MPP7: variants seen among roughly 807,000 people sequenced by gnomAD.
MPP7 encodes MAGUK p55 scaffold protein 7.
In MPP7, 60 loss-of-function variants were observed where a neutral mutation model predicts 76.5. The observed-to-expected ratio is 0.78, with a 90% CI of 0.64 to 0.97. The LOEUF (loss-of-function observed/expected upper bound fraction) is 0.97. MPP7 is among the 50% of genes least tolerant of loss of function. The probability of loss-of-function intolerance (pLI) is 0.00; values close to 1 mark genes in which losing one functional copy is unlikely to be tolerated. For missense variants in MPP7, 641 were observed against 694.0 expected (o/e 0.92, Z 0.86); for synonymous variants, 237 against 244.5 (o/e 0.97, Z 0.29).
At chr10:28,307,227 AAGGCCG>A (rs1841263927), upstream of MPP7, among the ~76,000 whole-genome samples, 3 of 152,196 alleles carry the variant, frequency 2.0e-5, no homozygotes, top group South Asian at 6.2e-4. Flanking sequence ...CCTAGAGGCC[AAGGCCG>A]AAGGCTTGGA....
chr10:28,263,166 T>C (rs1313052235), intron 1 of MPP7, among the ~76,000 whole-genome samples: 1 of 152,170 alleles, frequency 6.6e-6, no homozygotes, highest in Non-Finnish European at 1.5e-5. Flanking sequence ...GAGGCAATAA[T>C]AAAATATTTT....
chr10:28,114,484 G>T (rs1443789772), intron 11 of MPP7, among the ~76,000 whole-genome samples: 1 of 151,908 alleles, frequency 6.6e-6, no homozygotes. Flanking sequence ...AACTAGAAAG[G>T]TTCTGTGAAA....
chr10:28,118,118 A>G (rs1834715788), intron 11 of MPP7: 1 of 977,236 alleles, frequency 1.0e-6, no homozygotes. Context: ...TAAAAAAGAA[A>G]TCATGCAAAT....
At chr10:28,069,631 T>C (rs1383169806) in intron 13 of MPP7, 141 bp downstream of exon 13, 2 of 464,906 alleles carry the variant, frequency 4.3e-6, no homozygotes, top group Admixed American at 7.6e-5. Context: ...AAAAAAAAAC[T>C]CACATGCCCC....
intron 12 of MPP7, among the ~76,000 whole-genome samples, chr10:28,083,757 C>T (rs557861341): frequency 7.9e-5 from 12 of 152,044 alleles, no homozygotes; most frequent in Middle Eastern, 3.4e-3. Context: ...AGGCTGGTCT[C>T]GAACTCCTGA....
chr10:28,069,401 A>G (rs370602384), intron 13 of MPP7, among the ~76,000 whole-genome samples: 1 of 152,166 alleles, frequency 6.6e-6, no homozygotes, highest in East Asian at 1.9e-4. Context: ...TCAAGAGATC[A>G]AGACCATCCT....
rs1295609963 is a variant in MPP7 at position 28,321,813 on chromosome 10, T to C, written c.-132+8116A>G. On this transcript the variant is annotated intron_variant, in intron 2 of 11. Coordinates refer to the MPP7 transcript ENST00000441595. ...GTTGGCCAGGCTGGTCTCGAACTCCTGGCCTCAGGTGATCCACCCACCTTG... is the reference window on the plus strand; with the variant it reads ...GTTGGCCAGGCTGGTCTCGAACTCCCGGCCTCAGGTGATCCACCCACCTTG... Among the ~76,000 whole-genome samples, 6 of 152,268 alleles carry C rather than the reference T, an allele frequency of 3.9e-5. No homozygotes were observed. In the South Asian group the frequency reaches 1.0e-3, roughly 26 times the overall value.
At chr10:28,280,931 C>G (rs56093502) in intron 1 of MPP7, among the ~76,000 whole-genome samples, 7 of 151,902 alleles carry the variant, frequency 4.6e-5, no homozygotes, top group African/African-American at 7.3e-5. Flanking sequence ...CTGTGTCTGA[C>G]TAGAGTGGAG....
At chr10:28,328,516 A>G (rs970669185) in intron 2 of MPP7, among the ~76,000 whole-genome samples, 3 of 151,748 alleles carry the variant, frequency 2.0e-5, no homozygotes, top group Non-Finnish European at 4.4e-5. Flanking sequence ...CTCATAGTTA[A>G]GAGGGAGGAA....
intron 1 of MPP7, among the ~76,000 whole-genome samples, chr10:28,248,457 G>A (rs541095104): frequency 2.0e-5 from 3 of 152,220 alleles, no homozygotes; most frequent in Admixed American, 1.3e-4. Context: ...CAGGTTTCCC[G>A]GGTGTTTCCC....
chr10:28,191,412 C>G (rs1456869488), intron 3 of MPP7, among the ~76,000 whole-genome samples: 9 of 152,088 alleles, frequency 5.9e-5, no homozygotes, highest in African/African-American at 2.2e-4. Flanking sequence ...ATAAGTTGAA[C>G]CCAGCAATAG....
At position 28,224,079 on chromosome 10, in the gene MPP7, G is replaced by A. The variant is rs187992593; in HGVS notation, c.37+14489C>T. Among the ~76,000 whole-genome samples the A allele has an allele frequency of 5.3e-5, 8 of 151,926 alleles. No homozygotes were observed. In the East Asian group the frequency reaches 1.6e-3, roughly 29 times the overall value. On this transcript the variant is annotated intron_variant, in intron 2 of 16. Transcript: ENST00000683449. Reference sequence around the variant, plus strand: ...ACACGCCTATAATCCCAGCTACTCAGGAGGCTGAGGCACAAGAATCACTTG... The same window carrying A: ...ACACGCCTATAATCCCAGCTACTCAAGAGGCTGAGGCACAAGAATCACTTG...
chr10:28,055,768 A>AT (rs1851528998), intron 16 of MPP7, among the ~76,000 whole-genome samples: 2 of 152,216 alleles, frequency 1.3e-5, no homozygotes, highest in South Asian at 4.1e-4. Flanking sequence ...TACTGATGGT[A>AT]TTTTTAGCTT....
At chr10:28,261,432 A>G (rs1287509539) in intron 1 of MPP7, among the ~76,000 whole-genome samples, 2 of 152,192 alleles carry the variant, frequency 1.3e-5, no homozygotes, top group African/African-American at 4.8e-5. Context: ...TTCCACTAAG[A>G]TTTAAGCGAG....
chr10:28,191,182 TG>T (rs1307638573), intron 3 of MPP7, among the ~76,000 whole-genome samples: 1 of 152,182 alleles, frequency 6.6e-6, no homozygotes, highest in Non-Finnish European at 1.5e-5. Flanking sequence ...ATGGCTTCAC[TG>T]GTGAATTCTA....
intron 13 of MPP7, 21 bp from the exon 14 acceptor site, chr10:28,059,764 G>A (rs1244961397): frequency 6.5e-7 from 1 of 1,541,826 alleles, no homozygotes; most frequent in Non-Finnish European, 8.9e-7. Flanking sequence ...ATGAAAAGGA[G>A]TTTAGAAAAG....
At chr10:28,257,220 C>T (rs947511454) in intron 1 of MPP7, among the ~76,000 whole-genome samples, 2 of 152,120 alleles carry the variant, frequency 1.3e-5, no homozygotes, top group Admixed American at 6.6e-5. Context: ...CGTTTCATGT[C>T]ATGACACGAA....
chr10:28,212,705 G>A lies in MPP7; in HGVS notation c.38-10434C>T, dbSNP rs951885499. Among the ~76,000 whole-genome samples the A allele has an allele frequency of 1.1e-4, 16 of 152,300 alleles. No homozygotes were observed. In the East Asian group the frequency reaches 1.9e-3, roughly 18 times the overall value. ...GAGAGGAGGGACCAGCAACCACTCC[G>A]AGTGCTGTAATCTCACGTCCTAGAA... On this transcript the variant is annotated intron_variant, in intron 2 of 16. Coordinates refer to ENST00000683449, the MANE Select transcript of MPP7 (RefSeq NM_001318170.2).
At chr10:28,187,188 A>G (rs1837265230) in intron 3 of MPP7, among the ~76,000 whole-genome samples, 1 of 152,228 alleles carries the variant, frequency 6.6e-6, no homozygotes, top group Non-Finnish European at 1.5e-5. Context: ...GGGAGGGCAC[A>G]GTCGCACTAA....
Sources: gnomAD v4.1 joint callset for allele counts (sites outside exome capture counted in the v4.1 genomes callset) on GRCh38, gnomAD v4.1.1 for gene constraint, MANE v1.5 for transcripts, NCBI Gene and HGNC (gene_info 2026-07-23, HGNC 2026-07-21) for gene names.